The following POU3F3 variants were observed in gnomAD, a reference collection of about 807,000 sequenced individuals.
POU3F3 encodes the protein POU domain, class 3, transcription factor 3.
POU3F3 carries 1 observed loss-of-function variant against 8.6 expected under a neutral mutation model. The ratio of observed to expected loss-of-function variants is 0.12; its 90% CI spans 0.04 to 0.55. The LOEUF (loss-of-function observed/expected upper bound fraction) is 0.55, where lower values mean the gene tolerates loss of function less well. Ranked by LOEUF, POU3F3 falls within the 20% of genes least tolerant of loss-of-function variation. POU3F3 has a pLI of 0.91. For missense variants in POU3F3, 577 were observed against 690.7 expected, an observed-to-expected ratio of 0.84 and a Z score of 1.84; for synonymous variants, 418 against 327.4, an observed-to-expected ratio of 1.28 and a Z score of -2.99.
chr2:104,884,581 C>T, the POU3F3 span, among the ~76,000 whole-genome samples: 1 of 152,216 alleles, frequency 6.6e-6, no homozygotes, highest in Non-Finnish European at 1.5e-5. Flanking sequence ...GGCACTGCAG[C>T]TAACAGGGAT....
chr2:104,906,266 C>A, the POU3F3 span, among the ~76,000 whole-genome samples: 1 of 152,176 alleles, frequency 6.6e-6, no homozygotes, highest in East Asian at 1.9e-4. Context: ...GACTAGTTCG[C>A]AATCTGCATG....
the POU3F3 span, among the ~76,000 whole-genome samples, chr2:104,889,211 C>T: frequency 0.021 from 3,183 of 152,304 alleles, 52 homozygotes; most frequent in Non-Finnish European, 0.035. Context: ...AGCTAAGAGC[C>T]GGGTCCTTGA....
chr2:104,855,393 G>A lies in POU3F3; in HGVS notation c.-118G>A. The A allele has an allele frequency of 2.7e-6, 1 of 364,696 alleles. No homozygotes were observed. Among genetic ancestry groups the A allele is most frequent in the Non-Finnish European group, 3.7e-6 (1 of 272,454 alleles). The allele number at this position is 364,696 out of a possible 1,614,324, so 22.6% of individuals were successfully genotyped here. ...GGCCCGGGGCGGGGGCGGGGAAGGA[G>A]GGGGGGAGGAGGCGGGAGGCGGGGG... On this transcript the variant is annotated 5_prime_UTR_variant, in exon 1 of 1. Coordinates refer to ENST00000361360, the MANE Select transcript of POU3F3 (RefSeq NM_006236.3).
In POU3F3 at chr2:104,857,073, ACCGCCGCCGCCCCTGCCG is replaced by A. The variant is rs992112291; in HGVS notation, c.*72_*89del. 2.7e-5 allele frequency: 31 copies of A among 1,164,102 alleles called. No homozygotes were observed. In the Middle Eastern group the frequency reaches 1.4e-3, roughly 52 times the overall value. The allele number at this position is 1,164,102 out of a possible 1,614,324, so 72.1% of individuals were successfully genotyped here. ...CGCCGCCTCCGCAGCCGCCGTCAGC[ACCGCCGCCGCCCCTGCCG>A]CCGCCGCCGCCGCCGCCGCCGCCGC... On this transcript the variant is annotated 3_prime_UTR_variant, in exon 1 of 1. Coordinates refer to ENST00000361360, the MANE Select transcript of POU3F3 (RefSeq NM_006236.3).
chr2:104,914,793 C>G, the POU3F3 span, among the ~76,000 whole-genome samples: 1 of 152,134 alleles, frequency 6.6e-6, no homozygotes, highest in Admixed American at 6.5e-5. Flanking sequence ...TGTCCCTTCT[C>G]CCCGCAAGGA....
the POU3F3 span, among the ~76,000 whole-genome samples, chr2:104,920,233 T>C: frequency 6.6e-6 from 1 of 152,188 alleles, no homozygotes; most frequent in Non-Finnish European, 1.5e-5. Context: ...CAGACTGGTG[T>C]TGAACTCCTG....
chr2:104,868,154 C>G, the POU3F3 span: 1 of 427,344 alleles, frequency 2.3e-6, no homozygotes. Context: ...CACCCCCACA[C>G]CCCCATGGGG....
At chr2:104,890,900 G>C in the POU3F3 span, among the ~76,000 whole-genome samples, 1 of 152,268 alleles carries the variant, frequency 6.6e-6, no homozygotes, top group East Asian at 1.9e-4. Context: ...GGATGACTAC[G>C]GGAACCCTAT....
At chr2:104,896,220 A>G in the POU3F3 span, among the ~76,000 whole-genome samples, 1 of 152,276 alleles carries the variant, frequency 6.6e-6, no homozygotes, top group Non-Finnish European at 1.5e-5. Context: ...TCTCATCCCC[A>G]TACCTGTTAG....
chr2:104,878,767 G>A, the POU3F3 span, among the ~76,000 whole-genome samples: 1 of 152,156 alleles, frequency 6.6e-6, no homozygotes, highest in Non-Finnish European at 1.5e-5. Flanking sequence ...GTGTTTCTGG[G>A]TGGGTGGCAA....
chr2:104,872,474 C>T, the POU3F3 span: 2 of 396,900 alleles, frequency 5.0e-6, no homozygotes, highest in Admixed American at 5.3e-5. This position sits in a 1 kb window ranked among gnomAD's most constrained non-coding sequence, Gnocchi z 4.6. Flanking sequence ...CGCGACGGCC[C>T]GTTCGCCCCG....
Position 104,857,135 on chromosome 2 carries a change from C to T in POU3F3, c.*122C>T. On this transcript the variant is annotated 3_prime_UTR_variant, in exon 1 of 1. Transcript: ENST00000361360. ...CCGCCGCTGCCGCCGCCGCGCCGACCCTGCACCTGGGCCGCTCCGGGCTCC... is the reference window on the plus strand; with the variant it reads ...CCGCCGCTGCCGCCGCCGCGCCGACTCTGCACCTGGGCCGCTCCGGGCTCC... 2 of 952,442 alleles carry T rather than the reference C, an allele frequency of 2.1e-6. No homozygotes were observed. The highest frequency in any genetic ancestry group is 2.5e-6 in the Non-Finnish European group (2 of 800,834). The allele number at this position is 952,442 out of a possible 1,614,324, so 59.0% of individuals were successfully genotyped here.
the POU3F3 span, among the ~76,000 whole-genome samples, chr2:104,873,859 A>C: frequency 6.6e-6 from 1 of 152,170 alleles, no homozygotes; most frequent in African/African-American, 2.4e-5. Flanking sequence ...CCCTCCCCTG[A>C]GCCCCAGCCT....
At chr2:104,859,135 G>C (rs997818294), downstream of POU3F3, among the ~76,000 whole-genome samples, 1 of 68,972 alleles carries the variant, frequency 1.4e-5, no homozygotes, top group African/African-American at 1.3e-4. Context: ...AAGCTTTTTG[G>C]GTTTTTTCCC....
chr2:104,924,482 C>T, the POU3F3 span, among the ~76,000 whole-genome samples: 1 of 152,162 alleles, frequency 6.6e-6, no homozygotes, highest in African/African-American at 2.4e-5. Context: ...ACCAGCCCTC[C>T]CTTGGCCTAC....
At chr2:104,914,073 A>G in the POU3F3 span, among the ~76,000 whole-genome samples, 1 of 152,180 alleles carries the variant, frequency 6.6e-6, no homozygotes, top group Non-Finnish European at 1.5e-5. Context: ...TACTCTCTGC[A>G]TATGTTCTTG....
the POU3F3 span, among the ~76,000 whole-genome samples, chr2:104,870,758 G>A: frequency 6.6e-6 from 1 of 152,084 alleles, no homozygotes; most frequent in Admixed American, 6.6e-5. Context: ...CTCCCTCCAG[G>A]CCTCTTCCTC....
the POU3F3 span, among the ~76,000 whole-genome samples, chr2:104,905,179 A>G: frequency 1.3e-5 from 2 of 152,188 alleles, no homozygotes; most frequent in Non-Finnish European, 1.5e-5. Flanking sequence ...TTCATCTCAC[A>G]TGATTGATTT....
At chr2:104,925,194 A>G in the POU3F3 span, among the ~76,000 whole-genome samples, 3 of 152,198 alleles carry the variant, frequency 2.0e-5, no homozygotes, top group African/African-American at 7.2e-5. Context: ...CTTCTCCACC[A>G]GCAATCCTGT....
Sources: gnomAD v4.1 joint callset for allele counts (sites outside exome capture counted in the v4.1 genomes callset) on GRCh38, gnomAD v4.1.1 for gene constraint, Gnocchi (gnomAD v3.1) non-coding constraint, MANE v1.5 for transcripts, NCBI Gene and HGNC (gene_info 2026-07-23, HGNC 2026-07-21) for gene names.